The following PTPRG variants were observed in gnomAD, a reference collection of about 807,000 sequenced individuals.
PTPRG encodes protein tyrosine phosphatase receptor type G.
A neutral mutation model predicts 165.3 loss-of-function variants in PTPRG; 102 were observed. That is an observed-to-expected ratio of 0.62 (90% CI 0.53 to 0.73). PTPRG has a LOEUF of 0.73. PTPRG is among the 30% of genes least tolerant of loss of function. PTPRG has a pLI of 0.00. For synonymous variants in PTPRG, 675 were observed against 669.5 expected (o/e 1.01, Z -0.13); for missense variants, 1,866 against 1,861.4 (o/e 1.00, Z -0.05).
chr3:61,765,302 G>T (rs1028869688), intron 2 of PTPRG, among the ~76,000 whole-genome samples: 2 of 152,206 alleles, frequency 1.3e-5, no homozygotes, highest in African/African-American at 4.8e-5. Flanking sequence ...TCTGGTCGTG[G>T]TGAAAAGCCT....
chr3:61,901,516 T>G (rs1196411650), intron 2 of PTPRG, among the ~76,000 whole-genome samples: 1 of 152,230 alleles, frequency 6.6e-6, no homozygotes, highest in East Asian at 1.9e-4. Context: ...TTCAGTTCCC[T>G]TGGAAACTAT....
At chr3:61,624,327 A>G (rs929296905) in intron 1 of PTPRG, among the ~76,000 whole-genome samples, 2 of 152,160 alleles carry the variant, frequency 1.3e-5, no homozygotes, top group Non-Finnish European at 2.9e-5. Context: ...AATGAACCCA[A>G]CTAAAAAACT....
rs1048422608 is a variant in PTPRG at position 61,698,883 on chromosome 3, A to G, written c.86-49995A>G. On this transcript the variant is annotated intron_variant, in intron 1 of 29. Transcript: ENST00000474889. Reference sequence around the variant, plus strand: ...TGTCCTTTGTAGGGACATGGATGAAACTGGAAACCATCATTCTCAGCAAAC... The same window carrying G: ...TGTCCTTTGTAGGGACATGGATGAAGCTGGAAACCATCATTCTCAGCAAAC... 2.6e-5 allele frequency among the ~76,000 whole-genome samples: 4 copies of G among 152,118 alleles called. No individual in the cohort carries two copies. In the South Asian group the frequency reaches 8.3e-4, roughly 32 times the overall value.
chr3:62,003,596 G>C, intron 4 of PTPRG, 99 bp downstream of exon 4: 2 of 1,445,322 alleles, frequency 1.4e-6, no homozygotes, highest in East Asian at 4.6e-5. Context: ...AATCACAGCT[G>C]TACAGTACCT....
rs549381799 is a variant in PTPRG at position 61,726,937 on chromosome 3, C to T, written c.86-21941C>T. ...TGGCGGGCGTCTGTAGGCCCAGCTA[C>T]TCGGGAGACTGAGACAGGAGAATGG... On this transcript the variant is annotated intron_variant, in intron 1 of 29. Transcript: ENST00000474889. Among the ~76,000 whole-genome samples, 378 of 151,926 alleles carry T rather than the reference C, an allele frequency of 2.5e-3. 3 individuals carry two copies. Among genetic ancestry groups the T allele is most frequent in the Non-Finnish European group, 3.9e-3 (262 of 67,996 alleles).
chr3:62,130,360 C>G (rs138118389), intron 5 of PTPRG, among the ~76,000 whole-genome samples: 2 of 152,314 alleles, frequency 1.3e-5, no homozygotes, highest in East Asian at 1.9e-4. Context: ...TTCACTAATT[C>G]TCCATTCACT....
intron 2 of PTPRG, among the ~76,000 whole-genome samples, chr3:61,977,674 A>G (rs1023044866): frequency 2.0e-5 from 3 of 152,144 alleles, no homozygotes; most frequent in Non-Finnish European, 4.4e-5. Flanking sequence ...TTTAACTTTT[A>G]AATTGGTAAG....
At chr3:61,572,235 T>C (rs1700073798) in intron 1 of PTPRG, among the ~76,000 whole-genome samples, 1 of 152,212 alleles carries the variant, frequency 6.6e-6, no homozygotes, top group Admixed American at 6.5e-5. Context: ...CTATAAGCTA[T>C]GTTTTTGTTT....
At chr3:61,763,580 A>G (rs10222486) in intron 2 of PTPRG, among the ~76,000 whole-genome samples, 149,493 of 149,568 alleles carry the variant, frequency 1, 74,709 homozygotes, top group Middle Eastern at 1. Flanking sequence ...CATGTTGGCC[A>G]GGCTGCTCTC....
intron 1 of PTPRG, among the ~76,000 whole-genome samples, chr3:61,714,421 A>G (rs2031712481): frequency 6.6e-6 from 1 of 152,186 alleles, no homozygotes; most frequent in Non-Finnish European, 1.5e-5. Context: ...GATAGCTGGA[A>G]TGTGAATACA....
At chr3:62,262,065 A>G (rs1054378506) in intron 16 of PTPRG, 2 of 152,194 alleles carry the variant, frequency 1.3e-5, no homozygotes, top group African/African-American at 4.8e-5. Context: ...TAGTGTAGAA[A>G]AATTTGGCTT....
intron 8 of PTPRG, among the ~76,000 whole-genome samples, 160 bp from the exon 9 acceptor site, chr3:62,191,307 CCT>C (rs910809769): frequency 6.6e-6 from 1 of 151,822 alleles, no homozygotes; most frequent in Admixed American, 6.6e-5. Context: ...CAATGTTCTC[CCT>C]CTCTCTCTAC....
intron 16 of PTPRG, among the ~76,000 whole-genome samples, chr3:62,261,271 A>G (rs527514659): frequency 6.6e-6 from 1 of 152,360 alleles, no homozygotes; most frequent in Non-Finnish European, 1.5e-5. Context: ...TCCATTTTCA[A>G]AAGTTGTCTG....
chr3:61,766,912 G>A (rs113881914), intron 2 of PTPRG, among the ~76,000 whole-genome samples: 11,693 of 150,816 alleles, frequency 0.078, 628 homozygotes, highest in Middle Eastern at 0.14. Context: ...GAGCCATCGC[G>A]CCCAGCCCAG....
At chr3:61,906,031 T>G (rs2038639578) in intron 2 of PTPRG, among the ~76,000 whole-genome samples, 1 of 152,238 alleles carries the variant, frequency 6.6e-6, no homozygotes, top group Non-Finnish European at 1.5e-5. Context: ...CATGGAGTTT[T>G]ATATTTTAGG....
At chr3:61,603,638 G>C (rs1243962803) in intron 1 of PTPRG, among the ~76,000 whole-genome samples, 1 of 152,186 alleles carries the variant, frequency 6.6e-6, no homozygotes, top group African/African-American at 2.4e-5. Flanking sequence ...CACAGTTGTG[G>C]AGTTCAGATG....
intron 2 of PTPRG, among the ~76,000 whole-genome samples, chr3:61,764,841 A>C (rs2033964639): frequency 6.6e-6 from 1 of 152,208 alleles, no homozygotes. Flanking sequence ...TTTTTGTGGA[A>C]TATCTGACAC....
intron 2 of PTPRG, among the ~76,000 whole-genome samples, chr3:61,944,836 T>G (rs1243058307): frequency 6.6e-6 from 1 of 152,214 alleles, no homozygotes; most frequent in Non-Finnish European, 1.5e-5. Flanking sequence ...TTAAAATCTT[T>G]TGGGACCCCA....
intron 8 of PTPRG, among the ~76,000 whole-genome samples, chr3:62,185,680 G>A (rs1183826720): frequency 2.0e-5 from 3 of 152,192 alleles, no homozygotes; most frequent in Admixed American, 6.5e-5. Context: ...GGATGCAGGC[G>A]TGATTTTAAA....
Sources: gnomAD v4.1 joint callset for allele counts (sites outside exome capture counted in the v4.1 genomes callset) on GRCh38, gnomAD v4.1.1 for gene constraint, MANE v1.5 for transcripts, NCBI Gene and HGNC (gene_info 2026-07-23, HGNC 2026-07-21) for gene names.